Variants in CERKL observed in about 807,000 individuals in gnomAD.
The protein encoded by CERKL is CERK like autophagy regulator.
In CERKL, 61 loss-of-function variants were observed where a neutral mutation model predicts 63.4. That is an observed-to-expected ratio of 0.96 (90% confidence interval 0.78 to 1.19). The LOEUF (loss-of-function observed/expected upper bound fraction) is 1.19. CERKL is among the 50% of genes most tolerant of loss of function. The pLI is 0.00. For synonymous variants in CERKL, 250 were observed against 230.5 expected (o/e 1.08, Z -0.77); for missense variants, 675 against 655.5 (o/e 1.03, Z -0.33).
rs142530341 is a variant in CERKL, at chr2:181,548,804, G to A, written c.949C>T (p.Arg317Cys). 213 of 1,614,028 alleles carry A rather than the reference G, an allele frequency of 1.3e-4. No individual in the cohort carries two copies. The highest frequency in any genetic ancestry group is 1.7e-4 in the Non-Finnish European group (195 of 1,179,956). The change falls in exon 7 of 13, where the codon CGC (arginine) becomes TGC (cysteine). Residue 317 changes from arginine to cysteine, a missense_variant. Transcript: ENST00000410087. ...CTFSTAGKLL[R>C]FGFSAMFGFG... ...CCAAACATGGCTGAGAACCCAAAGC[G>A]AAGAAGCTTGCCAGCGGTGCTGAAG...
At chr2:181,583,358 C>G (rs1460386985) in intron 2 of CERKL, among the ~76,000 whole-genome samples, 2 of 152,114 alleles carry the variant, frequency 1.3e-5, no homozygotes, top group Non-Finnish European at 2.9e-5. Flanking sequence ...ATAGAAGGAT[C>G]AGGCTGTCAC....
Position 181,573,792 on chromosome 2 carries a change from G to T in CERKL, c.574C>A (p.Pro192Thr). The T allele has an allele frequency of 6.2e-7, 1 of 1,612,400 alleles. No individual in the cohort carries two copies. The highest frequency in any genetic ancestry group is 2.2e-5 in the East Asian group (1 of 44,666). The change falls in exon 3 of 13, where the codon CCT becomes ACT. Residue 192 changes from proline (P) to threonine (T), a missense_variant. Transcript: ENST00000410087. Reference sequence around the variant, plus strand: ...TTTATTCCTGCAAGCTTCAACAGAGGTTCAACCTTCTCATAATAAACCTGG... The same window carrying T: ...TTTATTCCTGCAAGCTTCAACAGAGTTTCAACCTTCTCATAATAAACCTGG... The part of the protein sequence containing the change: ...ATQVYYEKVE[P>T]LLKLAGIKTD...
intron 1 of CERKL, 99 bp downstream of exon 1, chr2:181,656,670 A>G: frequency 9.6e-7 from 1 of 1,038,804 alleles, no homozygotes; most frequent in Non-Finnish European, 1.3e-6. Flanking sequence ...GAGGCGAGAA[A>G]AGGGGAGGGT....
At chr2:181,617,347 C>T (rs1490071638) in intron 1 of CERKL, 1 of 152,288 alleles carries the variant, frequency 6.6e-6, no homozygotes, top group East Asian at 1.9e-4. Flanking sequence ...TTTCATAGAA[C>T]ACCACTTTTT....
intron 3 of CERKL, among the ~76,000 whole-genome samples, chr2:181,567,902 C>T (rs1024172927): frequency 6.6e-6 from 1 of 152,030 alleles, no homozygotes; most frequent in Non-Finnish European, 1.5e-5. Context: ...CATCCCCCTA[C>T]AAACAAACAA....
At chr2:181,541,269 A>G (rs140680013) in intron 11 of CERKL, among the ~76,000 whole-genome samples, 2,431 of 152,348 alleles carry the variant, frequency 0.016, 48 homozygotes, top group Middle Eastern at 0.034. Flanking sequence ...GTGCTGTGAG[A>G]AAGCAGCCAT....
chr2:181,572,119 C>T (rs1293082574), intron 3 of CERKL, among the ~76,000 whole-genome samples: 1 of 152,108 alleles, frequency 6.6e-6, no homozygotes, highest in Admixed American at 6.5e-5. Context: ...TCTCTCTCTC[C>T]GCCCCCCCTC....
chr2:181,639,427 A>T (rs1687324556), intron 1 of CERKL, among the ~76,000 whole-genome samples: 1 of 151,960 alleles, frequency 6.6e-6, no homozygotes, highest in Non-Finnish European at 1.5e-5. Context: ...TGGTTTCCAT[A>T]AAAAAAATTA....
chr2:181,548,235 G>C, intron 8 of CERKL: 1 of 502,474 alleles, frequency 2.0e-6, no homozygotes, highest in East Asian at 3.4e-5. Flanking sequence ...CAAAAGAAAA[G>C]GGAAAGGGAA....
Position 181,599,184 on chromosome 2 carries a change from G to A in CERKL, c.481+4653C>T, listed in dbSNP as rs547299543. ...ATGAAACATGAGATAGCCATATTAA[G>A]ATAAAACCAAATAGAACTTTTGGAA... On this transcript the variant is annotated intron_variant, in intron 2 of 12. Coordinates refer to ENST00000410087, the MANE Select transcript of CERKL (RefSeq NM_201548.5). Among the ~76,000 whole-genome samples the A allele has an allele frequency of 2.6e-5, 4 of 152,250 alleles. No homozygotes were observed. In the East Asian group the frequency reaches 7.7e-4, roughly 29 times the overall value.
intron 1 of CERKL, among the ~76,000 whole-genome samples, chr2:181,639,157 G>A (rs1055170424): frequency 1.3e-5 from 2 of 152,278 alleles, no homozygotes; most frequent in East Asian, 1.9e-4. Context: ...AATTTGAAGA[G>A]TAGTAATATG....
At chr2:181,603,121 C>A in intron 2 of CERKL, 1 of 285,088 alleles carries the variant, frequency 3.5e-6, no homozygotes, top group South Asian at 3.2e-5. Flanking sequence ...TTAGAAAAAG[C>A]TACTGTGAAA....
intron 1 of CERKL, among the ~76,000 whole-genome samples, chr2:181,643,887 C>G (rs1329120399): frequency 6.6e-6 from 1 of 152,144 alleles, no homozygotes; most frequent in Non-Finnish European, 1.5e-5. Context: ...GGACAGTAAA[C>G]AAATCTTTCT....
intron 1 of CERKL, among the ~76,000 whole-genome samples, chr2:181,614,524 T>G (rs1216108441): frequency 3.3e-5 from 5 of 152,224 alleles, no homozygotes. Flanking sequence ...AAAATACTGC[T>G]TTTTGTTTAT....
chr2:181,555,752 C>CTTTTT (rs34713780), intron 5 of CERKL, among the ~76,000 whole-genome samples: 1 of 120,152 alleles, frequency 8.3e-6, no homozygotes, highest in Non-Finnish European at 1.7e-5. Flanking sequence ...CATTATTAAA[C>CTTTTT]TTTTTTTTTT....
At chr2:181,605,336 G>C (rs1057248094) in intron 1 of CERKL, among the ~76,000 whole-genome samples, 8 of 152,182 alleles carry the variant, frequency 5.3e-5, no homozygotes, top group Non-Finnish European at 1.2e-4. Context: ...GAACACTGTA[G>C]ATTTGCAGAG....
chr2:181,641,988 A>G (rs972335586), intron 1 of CERKL, among the ~76,000 whole-genome samples: 2 of 152,232 alleles, frequency 1.3e-5, no homozygotes, highest in East Asian at 1.9e-4. Flanking sequence ...GGCTATTTTT[A>G]TGATAAATTA....
chr2:181,579,071 T>C (rs913197563), intron 2 of CERKL, among the ~76,000 whole-genome samples: 3 of 152,036 alleles, frequency 2.0e-5, no homozygotes, highest in Admixed American at 1.3e-4. Context: ...CTGTCATTTA[T>C]TAACTGTGTG....
At chr2:181,544,591 A>T (rs964939538) in intron 11 of CERKL, 109 bp downstream of exon 11, 1 of 666,590 alleles carries the variant, frequency 1.5e-6, no homozygotes, top group Non-Finnish European at 2.6e-6. Flanking sequence ...ATATATTCAG[A>T]AGAAAATAAA....
Sources: allele counts gnomAD v4.1 joint callset (sites outside exome capture counted in the v4.1 genomes callset), GRCh38; gene constraint gnomAD v4.1.1; transcripts MANE v1.5; gene names NCBI Gene and HGNC (gene_info 2026-07-23, HGNC 2026-07-21).